AOAH: variants seen among roughly 807,000 people sequenced by gnomAD.
The protein encoded by AOAH is acyloxyacyl hydrolase (neutrophil).
A neutral mutation model predicts 92.2 loss-of-function variants in AOAH; 64 were observed. The observed-to-expected ratio is 0.69, with a 90% CI of 0.57 to 0.86. AOAH has a LOEUF of 0.86. AOAH is among the 40% of genes least tolerant of loss of function. The pLI, the probability that AOAH is intolerant of heterozygous loss-of-function variation, is 0.00. For synonymous variants in AOAH, 263 were observed against 254.5 expected (o/e 1.03, Z -0.32); for missense variants, 656 against 694.6 (o/e 0.94, Z 0.62).
intron 1 of AOAH, among the ~76,000 whole-genome samples, chr7:36,715,914 G>A (rs1333300268): frequency 6.6e-6 from 1 of 152,108 alleles, no homozygotes; most frequent in Non-Finnish European, 1.5e-5. Context: ...CATAGGTGTG[G>A]GCAAGGACTT....
At chr7:36,616,158 A>G (rs918781579) in intron 11 of AOAH, among the ~76,000 whole-genome samples, 1 of 152,178 alleles carries the variant, frequency 6.6e-6, no homozygotes, top group East Asian at 1.9e-4. Flanking sequence ...TGCTGCCTTC[A>G]GGGTTCCTGG....
At chr7:36,514,653 C>G (rs759675565) in intron 20 of AOAH, 17 of 1,166,470 alleles carry the variant, frequency 1.5e-5, no homozygotes, top group Non-Finnish European at 2.1e-5. Flanking sequence ...CCAGATGGCT[C>G]CATCTCAACA....
intron 2 of AOAH, among the ~76,000 whole-genome samples, chr7:36,677,399 G>A (rs60676167): frequency 0.019 from 2,911 of 152,260 alleles, 93 homozygotes; most frequent in African/African-American, 0.066. Flanking sequence ...ACAACTTCAT[G>A]TCCACTATAA....
chr7:36,643,702 A>G (rs990649034), intron 4 of AOAH, among the ~76,000 whole-genome samples: 1 of 152,166 alleles, frequency 6.6e-6, no homozygotes, highest in African/African-American at 2.4e-5. Context: ...GTAACCCACA[A>G]TATTGGAGGA....
intron 20 of AOAH, among the ~76,000 whole-genome samples, chr7:36,517,945 C>CACCCACA (rs1562855142): frequency 8.7e-5 from 1 of 11,498 alleles, no homozygotes; most frequent in Admixed American, 1.0e-3. Flanking sequence ...ACACACACAC[C>CACCCACA]CACACACACA....
Position 36,647,980 on chromosome 7 carries a change from G to A in AOAH, c.391-10070C>T, listed in dbSNP as rs186073886. On this transcript the variant is annotated intron_variant, in intron 4 of 20. Transcript: ENST00000617537. ...CGAGCAGCTGGGACTACAGGTTCACGCCATCATGCCGGGCTAATTTTTGTA... is the reference window on the plus strand; with the variant it reads ...CGAGCAGCTGGGACTACAGGTTCACACCATCATGCCGGGCTAATTTTTGTA... Among the ~76,000 whole-genome samples the A allele has an allele frequency of 2.3e-3, 354 of 151,998 alleles. 1 individual carries two copies. Among genetic ancestry groups the A allele is most frequent in the African/African-American group, 8.1e-3 (334 of 41,446 alleles).
At chr7:36,530,685 C>A in intron 18 of AOAH, 171 bp from the exon 19 acceptor site, 1 of 548,774 alleles carries the variant, frequency 1.8e-6, no homozygotes, top group Non-Finnish European at 3.3e-6. Context: ...GTACAAATGG[C>A]CAGTGAACAT....
intron 12 of AOAH, among the ~76,000 whole-genome samples, chr7:36,593,334 A>G (rs1480814233): frequency 1.3e-5 from 2 of 152,216 alleles, no homozygotes; most frequent in African/African-American, 4.8e-5. Flanking sequence ...ATGGCACACA[A>G]TGTTCTTTGT....
At chr7:36,534,892 GTCT>G (rs561935544) in intron 16 of AOAH, among the ~76,000 whole-genome samples, 3 of 152,010 alleles carry the variant, frequency 2.0e-5, no homozygotes, top group Non-Finnish European at 4.4e-5. Context: ...GTCTCTGTGT[GTCT>G]TCGTGTGTGT....
intron 3 of AOAH, among the ~76,000 whole-genome samples, chr7:36,662,325 G>A (rs1299504365): frequency 6.6e-6 from 1 of 152,218 alleles, no homozygotes. Context: ...GGGAAATGCA[G>A]CGTTCATCGT....
rs1347992170 is a variant in AOAH, at chr7:36,516,202, T to TAC, written c.1600-2824_1600-2823dup. ...CACACATACATACATCTCTCTTATATACACACACACATCCTACACACACCC... is the reference window on the plus strand; with the variant it reads ...CACACATACATACATCTCTCTTATATACACACACACACATCCTACACACACCC... On this transcript the variant is annotated intron_variant, in intron 20 of 20. Coordinates refer to ENST00000617537, the MANE Select transcript of AOAH (RefSeq NM_001637.4). The surrounding 1 kb of genome is among the most constrained non-coding windows in gnomAD (Gnocchi z 5.0). 1.4e-5 allele frequency among the ~76,000 whole-genome samples: 2 copies of TAC among 140,648 alleles called. No individual in the cohort carries two copies. Among genetic ancestry groups the TAC allele is most frequent in the African/African-American group, 2.7e-5 (1 of 37,132 alleles). 92.3% of individuals were successfully genotyped at this position (140,648 alleles called of 152,430 possible).
In AOAH at chr7:36,708,801, G is replaced by A. The variant is rs1798583611; in HGVS notation, c.127+15221C>T. Among the ~76,000 whole-genome samples, 7 of 152,098 alleles carry A rather than the reference G, an allele frequency of 4.6e-5. No homozygotes were observed. The South Asian group carries it at 1.5e-3, about 32-fold the overall frequency. ...CTCATTTATTAGCCTGGCTTTCTAA[G>A]GATCACTCCTGTGTCTACATAGCTT... On this transcript the variant is annotated intron_variant, in intron 1 of 20. Coordinates refer to ENST00000617537, the MANE Select transcript of AOAH (RefSeq NM_001637.4).
Position 36,635,510 on chromosome 7 carries a change from T to C in AOAH, c.450+2341A>G, listed in dbSNP as rs561347237. 3.5e-4 allele frequency among the ~76,000 whole-genome samples: 54 copies of C among 152,302 alleles called. No homozygotes were observed. In the South Asian group the frequency reaches 5.2e-3, roughly 15 times the overall value. ...CGTGTATTATATTACCTGGGTTTAA[T>C]TGGTCTAGGGTGGGGTTTGGATCTC... On this transcript the variant is annotated intron_variant, in intron 5 of 20. Coordinates refer to ENST00000617537, the MANE Select transcript of AOAH (RefSeq NM_001637.4).
chr7:36,549,299 G>A (rs1786022736), intron 14 of AOAH, 140 bp downstream of exon 14: 3 of 673,658 alleles, frequency 4.5e-6, no homozygotes. Flanking sequence ...ACTGGCCCAA[G>A]GAGTGATATC....
At chr7:36,565,276 T>C (rs1405233946) in intron 13 of AOAH, among the ~76,000 whole-genome samples, 2 of 144,566 alleles carry the variant, frequency 1.4e-5, no homozygotes, top group East Asian at 4.1e-4. Context: ...TTGTTTGTTA[T>C]ACATAATTTT....
chr7:36,531,493 C>T (rs1337589148), intron 18 of AOAH, among the ~76,000 whole-genome samples: 1 of 151,912 alleles, frequency 6.6e-6, no homozygotes, highest in East Asian at 1.9e-4. Flanking sequence ...ACTACAGGTG[C>T]CCACCATGAC....
At chr7:36,551,715 G>C (rs1440885786) in intron 13 of AOAH, among the ~76,000 whole-genome samples, 1 of 152,110 alleles carries the variant, frequency 6.6e-6, no homozygotes, top group Non-Finnish European at 1.5e-5. Context: ...ATGGCCATTT[G>C]GGTTGTTTCC....
chr7:36,654,968 T>G (rs1794789553), intron 4 of AOAH, among the ~76,000 whole-genome samples: 1 of 152,228 alleles, frequency 6.6e-6, no homozygotes, highest in Non-Finnish European at 1.5e-5. Context: ...CACAGTTAAA[T>G]GAGATCACGC....
intron 13 of AOAH, among the ~76,000 whole-genome samples, chr7:36,576,285 T>C (rs1788491777): frequency 6.6e-6 from 1 of 152,238 alleles, no homozygotes; most frequent in South Asian, 2.1e-4. Flanking sequence ...TCTTGCCTCC[T>C]GAGCCTCAAA....
Sources: gnomAD v4.1 joint callset for allele counts (sites outside exome capture counted in the v4.1 genomes callset) on GRCh38, gnomAD v4.1.1 for gene constraint, Gnocchi (gnomAD v3.1) non-coding constraint, MANE v1.5 for transcripts, NCBI Gene and HGNC (gene_info 2026-07-23, HGNC 2026-07-21) for gene names.